The following EBF4 variants were observed in gnomAD, a reference collection of about 807,000 sequenced individuals.
EBF4 encodes the protein EBF transcription factor 4.
In EBF4, 34 loss-of-function variants were observed where a neutral mutation model predicts 67.1. The observed-to-expected ratio is 0.51, with a 90% CI of 0.39 to 0.67. The LOEUF is 0.67. EBF4 is among the 30% of genes least tolerant of loss of function. EBF4 has a pLI of 0.00. For missense variants in EBF4, 837 were observed against 873.3 expected, an observed-to-expected ratio of 0.96 and a Z score of 0.52; for synonymous variants, 387 against 377.7, an observed-to-expected ratio of 1.02 and a Z score of -0.29.
exon 6 of EBF4, chr20:2,709,598 T>C: frequency 6.4e-7 from 1 of 1,558,228 alleles, no homozygotes. Flanking sequence ...GGAAGAGCTG[T>C]GGCAACCGGA....
intron 6 of EBF4, among the ~76,000 whole-genome samples, chr20:2,718,062 G>A (rs2087634160): frequency 1.3e-5 from 2 of 152,176 alleles, no homozygotes; most frequent in South Asian, 2.1e-4. Context: ...ACCCACCTCA[G>A]CCTTCCAAAG....
At chr20:2,723,804 C>A (rs1487387523) in intron 6 of EBF4, among the ~76,000 whole-genome samples, 1 of 151,906 alleles carries the variant, frequency 6.6e-6, no homozygotes, top group Admixed American at 6.6e-5. Flanking sequence ...TTAATATGTA[C>A]AATATATTTT....
At chr20:2,752,922 G>A (rs917304155) in intron 14 of EBF4, among the ~76,000 whole-genome samples, 1 of 152,218 alleles carries the variant, frequency 6.6e-6, no homozygotes, top group African/African-American at 2.4e-5. Flanking sequence ...TGGGGAGGAG[G>A]CTGGCGCCGC....
At chr20:2,694,234 C>T (rs891031589) in intron 1 of EBF4, among the ~76,000 whole-genome samples, 2 of 152,236 alleles carry the variant, frequency 1.3e-5, no homozygotes, top group African/African-American at 4.8e-5. Context: ...CCACGCCCCT[C>T]AGAGTTGGCG....
chr20:2,696,214 G>A lies in EBF4; in HGVS notation c.137+2432G>A, dbSNP rs912089286. Among the ~76,000 whole-genome samples, 2 of 152,248 alleles carry A rather than the reference G, an allele frequency of 1.3e-5. No individual in the cohort carries two copies. The highest frequency in any genetic ancestry group is 2.9e-5 in the Non-Finnish European group (2 of 68,050). On this transcript the variant is annotated intron_variant, in intron 1 of 16. Coordinates refer to ENST00000609451, the Ensembl canonical transcript of EBF4. This position sits in a 1 kb window ranked among gnomAD's most constrained non-coding sequence, Gnocchi z 4.7. ...AGGCTGGGCGCGGTGGCTCACGCCT[G>A]TAATTCCAGCACTTTGGGAGGCCAA... is the stretch of plus-strand genomic sequence containing the variant.
chr20:2,759,125 C>T (rs2088288426), intron 16 of EBF4, 141 bp downstream of exon 16: 1 of 827,078 alleles, frequency 1.2e-6, no homozygotes, highest in African/African-American at 1.7e-5. Context: ...AGTCTTCCTC[C>T]CCGGGGCCCA....
intron 6 of EBF4, among the ~76,000 whole-genome samples, chr20:2,722,322 G>GT (rs374049665): frequency 1.0e-3 from 152 of 145,154 alleles, no homozygotes; most frequent in South Asian, 2.4e-3. Flanking sequence ...ATTACGAGGT[G>GT]TTTTTTTTTT....
chr20:2,711,375 TG>T (rs2087543359), intron 6 of EBF4, among the ~76,000 whole-genome samples: 1 of 152,216 alleles, frequency 6.6e-6, no homozygotes, highest in African/African-American at 2.4e-5. Context: ...ACATTTTGGT[TG>T]TTTTCATCCC....
At chr20:2,750,120 C>T (rs972663906) in intron 10 of EBF4, 147 bp downstream of exon 10, 17 of 1,216,942 alleles carry the variant, frequency 1.4e-5, no homozygotes, top group African/African-American at 4.6e-5. Flanking sequence ...CTTTAACCAC[C>T]TATGCCTGTG....
intron 6 of EBF4, among the ~76,000 whole-genome samples, chr20:2,716,499 A>T (rs1218026646): frequency 1.3e-5 from 2 of 151,128 alleles, no homozygotes; most frequent in East Asian, 3.9e-4. Context: ...ACTGCACTCC[A>T]GCCTGGGCGA....
At chr20:2,716,622 ATT>A (rs1374619451) in intron 6 of EBF4, among the ~76,000 whole-genome samples, 5 of 151,990 alleles carry the variant, frequency 3.3e-5, no homozygotes, top group African/African-American at 1.2e-4. Context: ...TCCCTTTCAC[ATT>A]TGTCATCCCT....
chr20:2,759,139 A>G lies in EBF4; in HGVS notation c.*6-129A>G, dbSNP rs1052802404. ...AAGTCTTCCTCCCCGGGGCCCATCT[A>G]GACAGCTTTCTGAGGTACTTGGCCC... On this transcript the variant is annotated intron_variant, in intron 16 of 16. Transcript: ENST00000609451. 4 of 733,342 alleles carry G rather than the reference A, an allele frequency of 5.5e-6. No homozygotes were observed. In the African/African-American group the frequency reaches 7.3e-5, roughly 13 times the overall value. The allele number at this position is 733,342 out of a possible 1,614,324, so 45.4% of individuals were successfully genotyped here.
At position 2,701,695 on chromosome 20, in the gene EBF4, C is replaced by G. The variant is rs573191135; in HGVS notation, c.138-3882C>G. On this transcript the variant is annotated intron_variant, in intron 1 of 16. Coordinates refer to ENST00000609451, the Ensembl canonical transcript of EBF4. ...ACCCACCACTCCTCTGGCAAGGCTTCCTTTTCTCTCTATAGCCTCCCTCCC... is the reference window on the plus strand; with the variant it reads ...ACCCACCACTCCTCTGGCAAGGCTTGCTTTTCTCTCTATAGCCTCCCTCCC... Among the ~76,000 whole-genome samples the G allele has an allele frequency of 1.8e-4, 27 of 152,360 alleles. 1 individual carries two copies. The South Asian group carries it at 5.2e-3, about 29-fold the overall frequency.
At chr20:2,723,419 C>T (rs904422550) in intron 6 of EBF4, among the ~76,000 whole-genome samples, 5 of 152,046 alleles carry the variant, frequency 3.3e-5, no homozygotes, top group Admixed American at 6.5e-5. Context: ...GGCGCAATCT[C>T]GGCTCACTGC....
intron 6 of EBF4, among the ~76,000 whole-genome samples, chr20:2,723,473 C>T (rs1290535120): frequency 6.6e-6 from 1 of 150,606 alleles, no homozygotes; most frequent in African/African-American, 2.5e-5. Flanking sequence ...GCCTCAGCCT[C>T]CCGAGTAGCT....
intron 6 of EBF4, among the ~76,000 whole-genome samples, chr20:2,744,506 T>TG (rs1555788788): frequency 6.9e-6 from 1 of 145,064 alleles, no homozygotes; most frequent in Non-Finnish European, 1.5e-5. Flanking sequence ...TTTTTTTTTT[T>TG]TTTGAGACAG....
rs2054123557 is a variant in EBF4, at chr20:2,707,194, A to C, written c.415-753A>C. On this transcript the variant is annotated intron_variant, in intron 4 of 16. Transcript: ENST00000609451. The surrounding 1 kb of genome is among the most constrained non-coding windows in gnomAD (Gnocchi z 4.6). ...ATACCCATGGCCACTGGGCTGGGGG[A>C]GGCAGGCCAGGCAGTGCCTAGTGGA... Among the ~76,000 whole-genome samples, 1 of 151,922 alleles carries C rather than the reference A, an allele frequency of 6.6e-6. No individual in the cohort carries two copies. The highest frequency in any genetic ancestry group is 2.1e-4 in the South Asian group (1 of 4,812).
In EBF4 at chr20:2,750,019, A is replaced by T. The variant is rs570288421; in HGVS notation, c.1018+46A>T. 4.6e-4 allele frequency: 696 copies of T among 1,508,658 alleles called. 1 individual carries two copies. Among genetic ancestry groups the T allele is most frequent in the Non-Finnish European group, 5.6e-4 (629 of 1,124,874 alleles). The allele number at this position is 1,508,658 out of a possible 1,614,324, so 93.5% of individuals were successfully genotyped here. On this transcript the variant is annotated intron_variant, in intron 10 of 16. Coordinates refer to ENST00000609451, the Ensembl canonical transcript of EBF4. ...GTGGAGGTCTAAGGTGCGCGGAGGGAGCCCCACCCTGCGCACTGGTCTCCG... is the reference window on the plus strand; with the variant it reads ...GTGGAGGTCTAAGGTGCGCGGAGGGTGCCCCACCCTGCGCACTGGTCTCCG...
chr20:2,714,298 C>T (rs1017202512), intron 6 of EBF4, among the ~76,000 whole-genome samples: 2 of 151,830 alleles, frequency 1.3e-5, no homozygotes, highest in African/African-American at 4.8e-5. Flanking sequence ...TTCCTTCCTT[C>T]TTTCCTTCCT....
Sources: gnomAD v4.1 joint callset for allele counts (sites outside exome capture counted in the v4.1 genomes callset) on GRCh38, gnomAD v4.1.1 for gene constraint, Gnocchi (gnomAD v3.1) non-coding constraint, MANE v1.5 for transcripts, NCBI Gene and HGNC (gene_info 2026-07-23, HGNC 2026-07-21) for gene names.